The following UBA2 variants were observed in gnomAD, a reference collection of about 807,000 sequenced individuals.
UBA2 encodes ubiquitin like modifier activating enzyme 2, also known as SUMO-activating enzyme subunit 2.
A neutral mutation model predicts 77.2 loss-of-function variants in UBA2; 11 were observed. That is an observed-to-expected ratio of 0.14 (90% confidence interval 0.09 to 0.24). The LOEUF (loss-of-function observed/expected upper bound fraction) is 0.24, where lower values mean the gene tolerates loss of function less well. Among genes scored for constraint, UBA2 ranks in the 10% least tolerant of loss-of-function variants. The pLI is 1.00. For synonymous variants in UBA2, 278 were observed against 276.7 expected (o/e 1.00, Z -0.05); for missense variants, 487 against 781.7 (o/e 0.62, Z 4.50).
At chr19:34,444,868 A>G in intron 7 of UBA2, 132 bp from the exon 8 acceptor site, 1 of 898,860 alleles carries the variant, frequency 1.1e-6, no homozygotes, top group Non-Finnish European at 1.7e-6. Flanking sequence ...TTATTTTCTT[A>G]TTCCTTGAAC....
intron 10 of UBA2, among the ~76,000 whole-genome samples, chr19:34,453,151 G>A (rs1391398208): frequency 6.6e-6 from 1 of 152,124 alleles, no homozygotes; most frequent in South Asian, 2.1e-4. Context: ...ATGAGATGGG[G>A]ATATAATTTC....
At chr19:34,437,557 C>G (rs2075322808) in intron 5 of UBA2, among the ~76,000 whole-genome samples, 1 of 151,720 alleles carries the variant, frequency 6.6e-6, no homozygotes, top group Admixed American at 6.6e-5. Context: ...TTGTGGTGAG[C>G]CTAGATCACG....
Position 34,438,777 on chromosome 19 carries a change from A to T in UBA2, c.581+11A>T, listed in dbSNP as rs201336141. The T allele has an allele frequency of 2.5e-5, 40 of 1,612,350 alleles. No individual in the cohort carries two copies. The East Asian group carries it at 7.8e-4, about 31-fold the overall frequency. ...AAAGTACTTGTTCAAGTAAGAGTGT[A>T]TATTTCTTGGCATGCTTTTCGGTAC... On this transcript the variant is annotated intron_variant, in intron 6 of 16. Coordinates refer to ENST00000246548, the MANE Select transcript of UBA2 (RefSeq NM_005499.3).
chr19:34,448,461 G>T (rs2075455618), intron 8 of UBA2, among the ~76,000 whole-genome samples: 1 of 152,092 alleles, frequency 6.6e-6, no homozygotes, highest in East Asian at 1.9e-4. Flanking sequence ...AGCCATGGTG[G>T]CCTGAGCCTG....
At chr19:34,456,075 C>A (rs1267577744) in intron 12 of UBA2, among the ~76,000 whole-genome samples, 1 of 138,700 alleles carries the variant, frequency 7.2e-6, no homozygotes, top group Non-Finnish European at 1.6e-5. Context: ...CTGCACTTGG[C>A]CCGATGCGCT....
At chr19:34,468,026 G>C (rs1030216) in intron 16 of UBA2, among the ~76,000 whole-genome samples, 3 of 152,016 alleles carry the variant, frequency 2.0e-5, no homozygotes, top group African/African-American at 7.3e-5. Flanking sequence ...CTTGTCACCA[G>C]TATGACTTGG....
chr19:34,441,104 C>G (rs2075364140), intron 6 of UBA2, among the ~76,000 whole-genome samples: 1 of 151,966 alleles, frequency 6.6e-6, no homozygotes, highest in Non-Finnish European at 1.5e-5. Context: ...ACAGAGAAAG[C>G]ATTTGGTAAA....
intron 9 of UBA2, 132 bp downstream of exon 9, chr19:34,450,496 C>A: frequency 1.8e-6 from 1 of 555,832 alleles, no homozygotes; most frequent in Non-Finnish European, 3.0e-6. Flanking sequence ...ATATGAAGAA[C>A]AAAAGTCACT....
chr19:34,462,448 T>G (rs1191037891), intron 14 of UBA2, among the ~76,000 whole-genome samples: 1 of 152,084 alleles, frequency 6.6e-6, no homozygotes, highest in African/African-American at 2.4e-5. Flanking sequence ...AGTGGAGATG[T>G]GTGAAAGGGC....
intron 6 of UBA2, among the ~76,000 whole-genome samples, chr19:34,442,406 C>G (rs1301206779): frequency 6.6e-6 from 1 of 152,154 alleles, no homozygotes; most frequent in Non-Finnish European, 1.5e-5. Context: ...ATAAACTCAT[C>G]ATAAATAAAA....
rs2075729098 is a variant in UBA2, at chr19:34,471,034, T to G, written c.*1813T>G. ...CCCCAGCCCAACTCCAGCCTACAGA[T>G]AGTGCCAGACCGCCAGTAGGTGGAG... On this transcript the variant is annotated 3_prime_UTR_variant, in exon 17 of 17. Transcript: ENST00000246548. 6.6e-6 allele frequency: 1 copy of G among 152,188 alleles called. No homozygotes were observed. The highest frequency in any genetic ancestry group is 2.4e-5 in the African/African-American group (1 of 41,426). The allele number at this position is 152,188 out of a possible 1,614,324, so 9.4% of individuals were successfully genotyped here. A position where few individuals can be genotyped will look rare whatever the true frequency, so the allele number is the denominator to read the frequency against.
chr19:34,432,595 T>C (rs1452304545), intron 3 of UBA2, among the ~76,000 whole-genome samples: 2 of 152,120 alleles, frequency 1.3e-5, no homozygotes, highest in African/African-American at 4.8e-5. Flanking sequence ...TTTGCGCTTA[T>C]TGCCCAGGCT....
chr19:34,438,945 A>G (rs976342890), intron 6 of UBA2, among the ~76,000 whole-genome samples, 179 bp downstream of exon 6: 16 of 152,292 alleles, frequency 1.1e-4, no homozygotes, highest in African/African-American at 3.6e-4. Flanking sequence ...GCGGTGGCTC[A>G]CACCTGTAAT....
chr19:34,456,650 CAAGTAG>C (rs2075565762), intron 12 of UBA2, among the ~76,000 whole-genome samples: 1 of 151,010 alleles, frequency 6.6e-6, no homozygotes, highest in Admixed American at 6.6e-5. Context: ...CTCCACCTCC[CAAGTAG>C]AAGTGATTCT....
chr19:34,450,570 T>C (rs1836724594), intron 9 of UBA2, among the ~76,000 whole-genome samples: 1 of 152,106 alleles, frequency 6.6e-6, no homozygotes, highest in African/African-American at 2.4e-5. Context: ...TGGTCCGCCC[T>C]ATGTACACAG....
chr19:34,444,489 G>A (rs2075406940), intron 7 of UBA2, among the ~76,000 whole-genome samples: 1 of 152,126 alleles, frequency 6.6e-6, no homozygotes, highest in Non-Finnish European at 1.5e-5. Flanking sequence ...GCTTTGAACT[G>A]TTATATGTGT....
At chr19:34,439,893 TAGA>T (rs774131542) in intron 6 of UBA2, among the ~76,000 whole-genome samples, 19 of 151,556 alleles carry the variant, frequency 1.3e-4, no homozygotes, top group Non-Finnish European at 2.6e-4. Flanking sequence ...GATTACAAAA[TAGA>T]AGAGGAGTAA....
intron 5 of UBA2, among the ~76,000 whole-genome samples, chr19:34,437,258 G>A (rs983049088): frequency 2.7e-5 from 4 of 150,168 alleles, no homozygotes; most frequent in African/African-American, 7.3e-5. Flanking sequence ...CACCACGCCC[G>A]GCCAGACATT....
At chr19:34,467,926 C>T (rs1042502091) in intron 16 of UBA2, among the ~76,000 whole-genome samples, 1 of 152,114 alleles carries the variant, frequency 6.6e-6, no homozygotes, top group African/African-American at 2.4e-5. Flanking sequence ...GTTTTGTATG[C>T]TTGTTTTAAG....
Sources: allele counts gnomAD v4.1 joint callset (sites outside exome capture counted in the v4.1 genomes callset), GRCh38; gene constraint gnomAD v4.1.1; transcripts MANE v1.5; gene names NCBI Gene and HGNC (gene_info 2026-07-23, HGNC 2026-07-21).